GPR158: variants seen among roughly 807,000 people sequenced by gnomAD.
GPR158 encodes metabotropic glycine receptor.
GPR158 carries 30 observed loss-of-function variants against 78.2 expected under a neutral mutation model. That is an observed-to-expected ratio of 0.38 (90% CI 0.29 to 0.52). The LOEUF (loss-of-function observed/expected upper bound fraction) is 0.52, where lower values mean the gene tolerates loss of function less well. GPR158 is among the 20% of genes least tolerant of loss of function. The probability of loss-of-function intolerance (pLI) is 0.83; values close to 1 mark genes in which losing one functional copy is unlikely to be tolerated. For synonymous variants in GPR158, 581 were observed against 591.1 expected (o/e 0.98, Z 0.25); for missense variants, 1,463 against 1,523.5 (o/e 0.96, Z 0.66).
At chr10:25,285,115 A>T (rs115895573) in intron 2 of GPR158, among the ~76,000 whole-genome samples, 2,005 of 150,956 alleles carry the variant, frequency 0.013, 34 homozygotes, top group South Asian at 0.057. Context: ...AATCTACATT[A>T]CTATCTAGCA....
chr10:25,550,507 G>T (rs1353307289), intron 5 of GPR158, among the ~76,000 whole-genome samples: 1 of 152,090 alleles, frequency 6.6e-6, no homozygotes, highest in African/African-American at 2.4e-5. Flanking sequence ...ATGGCAGTGG[G>T]ACTATCCTCA....
intron 2 of GPR158, among the ~76,000 whole-genome samples, chr10:25,338,460 T>TATTA (rs1564426179): frequency 2.2e-4 from 28 of 126,146 alleles, no homozygotes; most frequent in African/African-American, 9.4e-4. Flanking sequence ...AATATATATA[T>TATTA]TACGTATATT....
chr10:25,537,223 T>C (rs1564483089), intron 5 of GPR158, among the ~76,000 whole-genome samples: 1 of 152,230 alleles, frequency 6.6e-6, no homozygotes, highest in Admixed American at 6.5e-5. Flanking sequence ...CCAGGAATTA[T>C]TCTATTGAAC....
chr10:25,397,364 A>G (rs1444126602), intron 3 of GPR158, among the ~76,000 whole-genome samples: 1 of 152,236 alleles, frequency 6.6e-6, no homozygotes, highest in East Asian at 1.9e-4. Context: ...CTGTAGTGGT[A>G]ACAGGGGTGG....
intron 5 of GPR158, among the ~76,000 whole-genome samples, chr10:25,471,740 G>T (rs1195493384): frequency 5.9e-5 from 9 of 152,228 alleles, no homozygotes; most frequent in African/African-American, 2.2e-4. Flanking sequence ...TCATGTGTCT[G>T]TTGGCTGCAT....
chr10:25,574,461 G>A (rs1391634856), intron 7 of GPR158, among the ~76,000 whole-genome samples: 7 of 152,136 alleles, frequency 4.6e-5, no homozygotes, highest in Admixed American at 4.6e-4. Flanking sequence ...AAGATTCTTG[G>A]TGCAGTAGTA....
At chr10:25,274,619 G>C (rs1854159235) in intron 2 of GPR158, among the ~76,000 whole-genome samples, 1 of 152,134 alleles carries the variant, frequency 6.6e-6, no homozygotes, top group East Asian at 1.9e-4. Context: ...GTCAGAATGT[G>C]ATCCACACTT....
At chr10:25,226,368 T>A (rs1392846603) in intron 2 of GPR158, among the ~76,000 whole-genome samples, 1 of 152,232 alleles carries the variant, frequency 6.6e-6, no homozygotes, top group East Asian at 1.9e-4. Flanking sequence ...ACAGGCTTTT[T>A]AAAACTTTCA....
intron 5 of GPR158, among the ~76,000 whole-genome samples, chr10:25,542,560 T>C (rs527249028): frequency 2.0e-5 from 3 of 152,244 alleles, no homozygotes; most frequent in Admixed American, 2.0e-4. Flanking sequence ...CAGTGGCTCA[T>C]GCCTGTAATC....
At chr10:25,321,727 AT>A (rs533816394) in intron 2 of GPR158, among the ~76,000 whole-genome samples, 3 of 150,890 alleles carry the variant, frequency 2.0e-5, no homozygotes, top group Admixed American at 2.0e-4. Flanking sequence ...TTGGCCATCC[AT>A]TTTTTTTTCA....
chr10:25,240,032 A>G (rs1293815181), intron 2 of GPR158, among the ~76,000 whole-genome samples: 2 of 152,216 alleles, frequency 1.3e-5, no homozygotes, highest in South Asian at 2.1e-4. Flanking sequence ...TCTTAATATT[A>G]TAAGATAAAA....
intron 5 of GPR158, among the ~76,000 whole-genome samples, chr10:25,548,004 C>G (rs1314117036): frequency 6.6e-6 from 1 of 152,052 alleles, no homozygotes; most frequent in Non-Finnish European, 1.5e-5. Flanking sequence ...TTTTTTATGG[C>G]TTCCAAATCC....
At chr10:25,255,166 C>G (rs1853874166) in intron 2 of GPR158, among the ~76,000 whole-genome samples, 1 of 152,204 alleles carries the variant, frequency 6.6e-6, no homozygotes, top group Non-Finnish European at 1.5e-5. Flanking sequence ...GCAACACAAA[C>G]ACAATACTGC....
intron 5 of GPR158, chr10:25,475,370 A>C (rs2130629173): frequency 6.6e-6 from 1 of 152,272 alleles, no homozygotes; most frequent in South Asian, 2.1e-4. Context: ...TATCTTTCAG[A>C]ACGTAAATTC....
chr10:25,425,170 GCTGT>G lies in GPR158; in HGVS notation c.1335+12702_1335+12705del, dbSNP rs373727905. On this transcript the variant is annotated intron_variant, in intron 4 of 10. Coordinates refer to ENST00000376351, the MANE Select transcript of GPR158 (RefSeq NM_020752.3). ...TGAATGGGAGTTCACTCTTGATTTG[GCTGT>G]CTGTTTGTCTGTTATTGGTGTATAG... Among the ~76,000 whole-genome samples the G allele has an allele frequency of 2.0e-4, 30 of 152,098 alleles. No homozygotes were observed. In the South Asian group the frequency reaches 2.5e-3, roughly 13 times the overall value.
chr10:25,454,677 G>A (rs142951715), intron 4 of GPR158, among the ~76,000 whole-genome samples: 2,097 of 152,186 alleles, frequency 0.014, 21 homozygotes, highest in Middle Eastern at 0.02. Flanking sequence ...TGTCTGCCTC[G>A]CCCATTTTTA....
At chr10:25,559,511 C>A (rs1175042076) in intron 6 of GPR158, among the ~76,000 whole-genome samples, 3 of 152,000 alleles carry the variant, frequency 2.0e-5, no homozygotes, top group African/African-American at 7.2e-5. Flanking sequence ...GATTTACCTG[C>A]AAGAATATTC....
intron 4 of GPR158, among the ~76,000 whole-genome samples, chr10:25,437,731 A>G (rs1835016607): frequency 6.6e-6 from 1 of 152,318 alleles, no homozygotes; most frequent in African/African-American, 2.4e-5. Context: ...TCAGAGGTAC[A>G]TAAGTTTAAT....
intron 2 of GPR158, among the ~76,000 whole-genome samples, chr10:25,344,972 A>G (rs922637127): frequency 6.6e-6 from 1 of 151,988 alleles, no homozygotes; most frequent in African/African-American, 2.4e-5. Flanking sequence ...TTATATGGGC[A>G]CTAATACTAT....
Sources: allele counts gnomAD v4.1 joint callset (sites outside exome capture counted in the v4.1 genomes callset), GRCh38; gene constraint gnomAD v4.1.1; transcripts MANE v1.5; gene names NCBI Gene and HGNC (gene_info 2026-07-23, HGNC 2026-07-21).